The following CERKL variants were observed in gnomAD, a reference collection of about 807,000 sequenced individuals.
The protein encoded by CERKL is CERK like autophagy regulator, also known as ceramide kinase-like protein.
In CERKL, 61 loss-of-function variants were observed where a neutral mutation model predicts 63.4. That is an observed-to-expected ratio of 0.96 (90% CI 0.78 to 1.19). CERKL has a LOEUF of 1.19. Among genes scored for constraint, CERKL ranks in the 50% most tolerant of loss-of-function variants. The pLI, the probability that CERKL is intolerant of heterozygous loss-of-function variation, is 0.00. For missense variants in CERKL, 675 were observed against 655.5 expected (o/e 1.03, Z -0.33); for synonymous variants, 250 against 230.5 (o/e 1.08, Z -0.77).
In CERKL at chr2:181,538,244, T is replaced by C. The variant is rs769934349; in HGVS notation, c.1539A>G (p.Arg513=). 6.4e-7 allele frequency: 1 copy of C among 1,568,542 alleles called. No homozygotes were observed. The highest frequency in any genetic ancestry group is 1.1e-5 in the South Asian group (1 of 89,984). Residue 513 remains arginine (R), a splice_region_variant and synonymous_variant, in exon 13 of 13, where the codon AGA becomes AGG. Transcript: ENST00000410087. ...LMEVASEVHI[R]LHPRLISLYG... ...AAAGACTGATAAGTCTTGGATGCAA[T>C]CTGTAAAGAAAATACATTATTTCAT...
intron 1 of CERKL, among the ~76,000 whole-genome samples, chr2:181,655,535 T>C (rs1459006835): frequency 6.6e-6 from 1 of 152,264 alleles, no homozygotes; most frequent in African/African-American, 2.4e-5. Context: ...TTAAAACACC[T>C]GAAAACACTT....
At chr2:181,599,084 A>T (rs530859847) in intron 2 of CERKL, among the ~76,000 whole-genome samples, 3 of 152,350 alleles carry the variant, frequency 2.0e-5, no homozygotes, top group Non-Finnish European at 4.4e-5. Flanking sequence ...CAAAATATGT[A>T]TTGCAAGGAA....
At chr2:181,653,019 C>T (rs549707255) in intron 1 of CERKL, among the ~76,000 whole-genome samples, 6 of 152,272 alleles carry the variant, frequency 3.9e-5, no homozygotes, top group South Asian at 2.1e-4. Flanking sequence ...GTGATCTGCC[C>T]GCCTCGGCCT....
intron 1 of CERKL, among the ~76,000 whole-genome samples, chr2:181,623,557 T>C (rs931528111): frequency 2.0e-5 from 3 of 152,264 alleles, no homozygotes; most frequent in Non-Finnish European, 4.4e-5. Flanking sequence ...ACTCTTTCAA[T>C]ATCGTTAATT....
intron 1 of CERKL, among the ~76,000 whole-genome samples, chr2:181,622,961 T>C (rs759256376): frequency 6.6e-6 from 1 of 152,210 alleles, no homozygotes; most frequent in Admixed American, 6.5e-5. Flanking sequence ...CTTTCTCCTG[T>C]GGAGTACACT....
At chr2:181,641,163 T>G (rs1329070764) in intron 1 of CERKL, among the ~76,000 whole-genome samples, 1 of 152,048 alleles carries the variant, frequency 6.6e-6, no homozygotes, top group Non-Finnish European at 1.5e-5. Context: ...TGTATCACAA[T>G]GACCATGAAA....
In CERKL at chr2:181,631,727, C is replaced by T. The variant is rs77980450; in HGVS notation, c.238+25042G>A. Among the ~76,000 whole-genome samples the T allele has an allele frequency of 6.6e-4, 101 of 152,298 alleles. 3 individuals carry two copies. In the East Asian group the frequency reaches 0.012, roughly 19 times the overall value. ...CACCCACCCTGCTATTTATCCTCTC[C>T]AAGGCCCAAACATGACTTAAGAGTC... On this transcript the variant is annotated intron_variant, in intron 1 of 12. Coordinates refer to ENST00000410087, the MANE Select transcript of CERKL (RefSeq NM_201548.5).
At chr2:181,618,928 T>G (rs1574504406) in intron 1 of CERKL, among the ~76,000 whole-genome samples, 1 of 152,336 alleles carries the variant, frequency 6.6e-6, no homozygotes, top group East Asian at 1.9e-4. Flanking sequence ...TGGCATGATT[T>G]ATGCATTGCA....
At chr2:181,567,538 C>A (rs1440596336) in intron 3 of CERKL, among the ~76,000 whole-genome samples, 2 of 145,668 alleles carry the variant, frequency 1.4e-5, no homozygotes, top group African/African-American at 5.3e-5. Flanking sequence ...ACTAATGCAA[C>A]CTGCCTGAAA....
rs1425125425 is a variant in CERKL at position 181,549,082 on chromosome 2, G to C, written c.896-225C>G. Among the ~76,000 whole-genome samples, 4 of 152,086 alleles carry C rather than the reference G, an allele frequency of 2.6e-5. No homozygotes were observed. The East Asian group carries it at 7.7e-4, about 29-fold the overall frequency. On this transcript the variant is annotated intron_variant, in intron 6 of 12. Coordinates refer to ENST00000410087, the MANE Select transcript of CERKL (RefSeq NM_201548.5). ...GAAACACAGAGTACTAAATTTTTCA[G>C]CTTATTGCTATTTCCTATAAAACAT...
chr2:181,557,818 A>G (rs1688276122), intron 5 of CERKL, among the ~76,000 whole-genome samples: 1 of 152,106 alleles, frequency 6.6e-6, no homozygotes, highest in Admixed American at 6.6e-5. Context: ...CTATTCCTCA[A>G]ACACTCCTGG....
rs1685568407 is a variant in CERKL at position 181,604,001 on chromosome 2, C to CTGAAACA, written c.316_317insTGTTTCA (p.Arg106LeufsTer7). 1 of 1,612,704 alleles carries CTGAAACA rather than the reference C, an allele frequency of 6.2e-7. No individual in the cohort carries two copies. Among genetic ancestry groups the CTGAAACA allele is most frequent in the South Asian group, 1.1e-5 (1 of 91,022 alleles). On this transcript the variant is annotated frameshift_variant, in exon 2 of 13. Coordinates refer to ENST00000410087, the MANE Select transcript of CERKL (RefSeq NM_201548.5). LOFTEE classifies it high-confidence loss of function. ...ACTTCTCTGCTGTTTAACAGAACAACGCCGTTTCAGTTTCACAGAGAATAT... is the reference window on the plus strand; with the variant it reads ...ACTTCTCTGCTGTTTAACAGAACAACTGAAACAGCCGTTTCAGTTTCACAGAGAATAT...
At chr2:181,619,679 G>A (rs1226438988) in intron 1 of CERKL, among the ~76,000 whole-genome samples, 1 of 152,028 alleles carries the variant, frequency 6.6e-6, no homozygotes, top group Non-Finnish European at 1.5e-5. Context: ...AGGCTTTCTT[G>A]ACTCTAGTCT....
intron 8 of CERKL, chr2:181,548,343 G>T: frequency 1.7e-6 from 1 of 583,588 alleles, no homozygotes; most frequent in Non-Finnish European, 3.0e-6. Flanking sequence ...GGGAAGGAAG[G>T]GAGGAAAGAA....
Position 181,549,703 on chromosome 2 carries a change from T to C in CERKL, c.826A>G (p.Thr276Ala), listed in dbSNP as rs568190450. The change falls in exon 6 of 13, where the codon ACC (threonine) becomes GCC (alanine). Residue 276 changes from threonine (T) to alanine (A), a missense_variant. Thr to Ala is a moderately conservative substitution (Grantham distance 58). Transcript: ENST00000410087. ...TGAAGAGAATGTGCCAATACATTGG[T>C]AGATCCTGCCAAAGCAATTTTAAAA... ...LPLGLIPAGS[T>A]NVLAHSLHGV... 2.5e-6 allele frequency: 4 copies of C among 1,609,316 alleles called. No homozygotes were observed. Among genetic ancestry groups the C allele is most frequent in the African/African-American group, 2.7e-5 (2 of 74,812 alleles).
intron 2 of CERKL, 91 bp from the exon 3 acceptor site, chr2:181,573,975 T>C (rs970541226): frequency 1.7e-6 from 2 of 1,146,246 alleles, no homozygotes; most frequent in Non-Finnish European, 2.6e-6. Flanking sequence ...TGTTAGAATG[T>C]TATATGCATT....
chr2:181,586,802 G>A (rs989626643), intron 2 of CERKL, among the ~76,000 whole-genome samples: 1 of 152,168 alleles, frequency 6.6e-6, no homozygotes, highest in African/African-American at 2.4e-5. Flanking sequence ...TCATGAGAGC[G>A]GCAGGGACGC....
intron 6 of CERKL, 147 bp downstream of exon 6, chr2:181,549,487 T>C (rs781254727): frequency 1.5e-6 from 1 of 661,534 alleles, no homozygotes; most frequent in Non-Finnish European, 2.7e-6. Context: ...AGTAAAGCAT[T>C]GCCTTTTGGT....
At chr2:181,620,862 A>T (rs964465791) in intron 1 of CERKL, among the ~76,000 whole-genome samples, 2 of 152,190 alleles carry the variant, frequency 1.3e-5, no homozygotes, top group African/African-American at 4.8e-5. Flanking sequence ...ATAATTCAAG[A>T]TGTTCTAAAA....
Sources: gnomAD v4.1 joint callset for allele counts (sites outside exome capture counted in the v4.1 genomes callset) on GRCh38, gnomAD v4.1.1 for gene constraint, MANE v1.5 for transcripts, NCBI Gene and HGNC (gene_info 2026-07-23, HGNC 2026-07-21) for gene names.